Variants in GAA observed in about 807,000 individuals in gnomAD.
GAA encodes alpha glucosidase, also known as lysosomal alpha-glucosidase.
A neutral mutation model predicts 103.9 loss-of-function variants in GAA; 88 were observed. The observed-to-expected ratio is 0.85, with a 90% CI of 0.71 to 1.01. The LOEUF is 1.01. GAA is among the 50% of genes least tolerant of loss of function. GAA has a pLI of 0.00. For synonymous variants in GAA, 572 were observed against 563.1 expected, an observed-to-expected ratio of 1.02 and a Z score of -0.22; for missense variants, 1,350 against 1,305.3, an observed-to-expected ratio of 1.03 and a Z score of -0.53.
intron 15 of GAA, 96 bp downstream of exon 15, chr17:80,113,462 C>T: frequency 4.2e-6 from 5 of 1,179,828 alleles, no homozygotes; most frequent in Non-Finnish European, 4.6e-6. Flanking sequence ...CTGTGTTCCC[C>T]AGGACCCAGC....
At position 80,108,236 on chromosome 17, in the gene GAA, G is replaced by A. The variant is rs868423260; in HGVS notation, c.956-54G>A. On this transcript the variant is annotated intron_variant, in intron 5 of 19. Transcript: ENST00000302262. ...GTGATTGGCCCATCTGTGGGGTGCA[G>A]AGCCCTCCAAGTGAAGAATCTGTCC... 5 of 1,612,842 alleles carry A rather than the reference G, an allele frequency of 3.1e-6. No homozygotes were observed. The African/African-American group carries it at 4.0e-5, about 13-fold the overall frequency.
intron 19 of GAA, 114 bp downstream of exon 19, chr17:80,118,919 C>A: frequency 1.5e-6 from 2 of 1,314,420 alleles, no homozygotes; most frequent in Non-Finnish European, 2.1e-6. Context: ...TGGGACCTCC[C>A]AAGGGGGTCT....
intron 3 of GAA, among the ~76,000 whole-genome samples, chr17:80,107,264 C>T (rs983926841): frequency 7.2e-5 from 11 of 152,190 alleles, no homozygotes; most frequent in East Asian, 3.9e-4. Context: ...GTGCCAGTTC[C>T]GGTACCAGCC....
chr17:80,112,906 C>T lies in GAA; in HGVS notation c.1919C>T (p.Pro640Leu). 1.9e-6 allele frequency: 3 copies of T among 1,610,574 alleles called. No individual in the cohort carries two copies. The highest frequency in any genetic ancestry group is 2.2e-5 in the East Asian group (1 of 44,822). Residue 640 changes from proline to leucine, a missense_variant, in exon 14 of 20, where the codon CCT (proline) becomes CTT (leucine). Coordinates refer to ENST00000302262, the MANE Select transcript of GAA (RefSeq NM_000152.5). ...CTGCAGTTTAACCTGCTGGGGGTGCCTCTGGTCGGGGCCGACGTCTGCGGC... is the reference window on the plus strand; with the variant it reads ...CTGCAGTTTAACCTGCTGGGGGTGCTTCTGGTCGGGGCCGACGTCTGCGGC... The part of the protein sequence containing the change: ...EILQFNLLGV[P>L]LVGADVCGFL...
At position 80,104,472 on chromosome 17, in the gene GAA, G is replaced by A. The variant is rs2039020969; in HGVS notation, c.-32-83G>A. On this transcript the variant is annotated intron_variant, in intron 1 of 19. Coordinates refer to ENST00000302262, the MANE Select transcript of GAA (RefSeq NM_000152.5). The surrounding 1 kb of genome is among the most constrained non-coding windows in gnomAD (Gnocchi z 4.0). Reference sequence around the variant, plus strand: ...CCTGGGTGCTGCAGTGCCAGCCGCGGTTGATGTCTCAGAGCTGCTTTGAGA... The same window carrying A: ...CCTGGGTGCTGCAGTGCCAGCCGCGATTGATGTCTCAGAGCTGCTTTGAGA... 1 of 1,042,422 alleles carries A rather than the reference G, an allele frequency of 9.6e-7. No individual in the cohort carries two copies. The highest frequency in any genetic ancestry group is 1.6e-5 in the South Asian group (1 of 61,846). The allele number at this position is 1,042,422 out of a possible 1,614,324, so 64.6% of individuals were successfully genotyped here. A position where few individuals can be genotyped will look rare whatever the true frequency, so the allele number is the denominator to read the frequency against.
chr17:80,111,145 G>A (rs533499306), intron 11 of GAA, 120 bp downstream of exon 11: 9 of 943,776 alleles, frequency 9.5e-6, no homozygotes, highest in African/African-American at 1.6e-5. Context: ...AAAGGGGCGG[G>A]GGGGGGATCC....
chr17:80,112,350 C>T, intron 12 of GAA: 1 of 646,392 alleles, frequency 1.5e-6, no homozygotes, highest in Non-Finnish European at 2.7e-6. Context: ...TCAGCGGGGA[C>T]CTCATGACTC....
rs780027584 is a variant in GAA at position 80,104,884 on chromosome 17, C to G, written c.298C>G (p.Gln100Glu). 1.9e-6 allele frequency: 3 copies of G among 1,612,744 alleles called. No homozygotes were observed. The South Asian group carries it at 3.3e-5, about 18-fold the overall frequency. ...TTGCGCCCCTGACAAGGCCATCACC[C>G]AGGAACAGTGCGAGGCCCGCGGCTG... Reference protein sequence around the residue: ...FDCAPDKAITQEQCEARGCCY... With the variant: ...FDCAPDKAITEEQCEARGCCY... Residue 100 changes from glutamine (Q) to glutamate (E), a missense_variant, in exon 2 of 20, where the codon CAG becomes GAG. By Grantham distance (29) the Gln-to-Glu change is conservative. Transcript: ENST00000302262. The surrounding 1 kb of genome is among the most constrained non-coding windows in gnomAD (Gnocchi z 4.0).
intron 11 of GAA, among the ~76,000 whole-genome samples, chr17:80,111,536 C>T (rs578182915): frequency 6.6e-6 from 1 of 152,278 alleles, no homozygotes; most frequent in South Asian, 2.1e-4. Context: ...GAGGTTGGGG[C>T]TTCTCGCCAA....
chr17:80,112,946 C>T lies in GAA; in HGVS notation c.1959C>T (p.Thr653=), dbSNP rs370737292. The stretch of plus-strand genomic sequence containing the variant: ...ACGTCTGCGGCTTCCTGGGCAACAC[C>T]TCAGAGGAGCTGTGTGTGCGCTGGA... ...GADVCGFLGN[T]SEELCVRWTQ... Residue 653 remains threonine (T), a synonymous_variant, in exon 14 of 20, where the codon ACC becomes ACT. Coordinates refer to ENST00000302262, the MANE Select transcript of GAA (RefSeq NM_000152.5). 7.5e-6 allele frequency: 12 copies of T among 1,610,504 alleles called. No individual in the cohort carries two copies. Among genetic ancestry groups the T allele is most frequent in the African/African-American group, 1.3e-5 (1 of 74,884 alleles).
Position 80,113,264 on chromosome 17 carries a change from G to A in GAA, c.2087G>A (p.Arg696Lys). 6.2e-7 allele frequency: 1 copy of A among 1,602,424 alleles called. No individual in the cohort carries two copies. Among genetic ancestry groups the A allele is most frequent in the East Asian group, 2.3e-5 (1 of 44,324 alleles). ...SFSEPAQQAM[R>K]KALTLRYALL... ...AGCGAGCCGGCCCAGCAGGCCATGA[G>A]GAAGGCCCTCACCCTGCGCTACGCA... The change falls in exon 15 of 20, where the codon AGG (arginine) becomes AAG (lysine). Residue 696 changes from arginine (R) to lysine (K), a missense_variant. Physicochemically the swap from Arg to Lys is conservative, Grantham distance 26 (BLOSUM62 2). Coordinates refer to ENST00000302262, the MANE Select transcript of GAA (RefSeq NM_000152.5).
At position 80,109,967 on chromosome 17, in the gene GAA, G is replaced by A; in HGVS notation, c.1349G>A (p.Gly450Asp). Reference protein sequence around the residue: ...MIVDPAISSSGPAGSYRPYDE... With the variant: ...MIVDPAISSSDPAGSYRPYDE... ...CAGGATCCTGCCATCAGCAGCTCGG[G>A]CCCTGCCGGGAGCTACAGGCCCTAC... Residue 450 changes from glycine to aspartate, a missense_variant, in exon 9 of 20, where the codon GGC becomes GAC. Transcript: ENST00000302262. 6.2e-7 allele frequency: 1 copy of A among 1,613,352 alleles called. No individual in the cohort carries two copies. The highest frequency in any genetic ancestry group is 8.5e-7 in the Non-Finnish European group (1 of 1,179,908).
intron 1 of GAA, among the ~76,000 whole-genome samples, chr17:80,103,200 G>A (rs567835183): frequency 4.6e-5 from 7 of 152,190 alleles, no homozygotes; most frequent in Non-Finnish European, 1.0e-4. Flanking sequence ...AGAGAAGGTT[G>A]CACAGTCCTC....
chr17:80,102,647 G>GC (rs2038981729), intron 1 of GAA: 1 of 152,144 alleles, frequency 6.6e-6, no homozygotes, highest in South Asian at 2.1e-4. Flanking sequence ...CAGCATCACT[G>GC]CCCCCACCTC....
chr17:80,117,204 A>G, intron 16 of GAA, 95 bp downstream of exon 16: 1 of 1,369,368 alleles, frequency 7.3e-7, no homozygotes, highest in Non-Finnish European at 1.0e-6. Context: ...AGGTGGCGGA[A>G]AGAGGAACGT....
rs776509432 is a variant in GAA at position 80,105,888 on chromosome 17, G to A, written c.686G>A (p.Arg229His). ...ATCGTGCGCCGGCAGCTGGACGGCC[G>A]CGTGCTGTGAGTTCTGGGCTCTGTG... The part of the protein sequence containing the change: ...GVIVRRQLDG[R>H]VLLNTTVAPL... The change falls in exon 3 of 20, where the codon CGC (arginine) becomes CAC (histidine). Residue 229 changes from arginine (R) to histidine (H), a missense_variant. Physicochemically the swap from Arg to His is conservative, Grantham distance 29. Transcript: ENST00000302262. 1.6e-5 allele frequency: 26 copies of A among 1,595,392 alleles called. No homozygotes were observed. Among genetic ancestry groups the A allele is most frequent in the African/African-American group, 9.3e-5 (7 of 74,924 alleles).
chr17:80,119,512 A>C lies in GAA; in HGVS notation c.*181A>C, dbSNP rs969819568. 1.1e-5 allele frequency: 7 copies of C among 655,162 alleles called. No individual in the cohort carries two copies. Among genetic ancestry groups the C allele is most frequent in the Middle Eastern group, 4.0e-4 (1 of 2,474 alleles). The allele number at this position is 655,162 out of a possible 1,614,324, so 40.6% of individuals were successfully genotyped here. Reference sequence around the variant, plus strand: ...CTCCTGGGCCGGGGCTCTGGCCCCCAACGTGTCTAGGAGAGCTTTCTCCCT... The same window carrying C: ...CTCCTGGGCCGGGGCTCTGGCCCCCCACGTGTCTAGGAGAGCTTTCTCCCT... On this transcript the variant is annotated 3_prime_UTR_variant, in exon 20 of 20. Coordinates refer to ENST00000302262, the MANE Select transcript of GAA (RefSeq NM_000152.5).
At chr17:80,108,444 A>T in intron 6 of GAA, 35 bp downstream of exon 6, 1 of 1,613,170 alleles carries the variant, frequency 6.2e-7, no homozygotes, top group Non-Finnish European at 8.5e-7. Context: ...CCCCCGCCCC[A>T]AGGCTCCCTC....
At position 80,112,911 on chromosome 17, in the gene GAA, G is replaced by T; in HGVS notation, c.1924G>T (p.Val642Phe). 6.2e-7 allele frequency: 1 copy of T among 1,610,610 alleles called. No homozygotes were observed. Among genetic ancestry groups the T allele is most frequent in the Non-Finnish European group, 8.5e-7 (1 of 1,178,846 alleles). ...GTTTAACCTGCTGGGGGTGCCTCTG[G>T]TCGGGGCCGACGTCTGCGGCTTCCT... ...LQFNLLGVPL[V>F]GADVCGFLGN... Residue 642 changes from valine to phenylalanine, a missense_variant, in exon 14 of 20, where the codon GTC becomes TTC. Coordinates refer to ENST00000302262, the MANE Select transcript of GAA (RefSeq NM_000152.5).
Sources: allele counts gnomAD v4.1 joint callset (sites outside exome capture counted in the v4.1 genomes callset), GRCh38; gene constraint gnomAD v4.1.1; non-coding constraint Gnocchi (gnomAD v3.1); transcripts MANE v1.5; gene names NCBI Gene and HGNC (gene_info 2026-07-23, HGNC 2026-07-21).